The following SYTL5 variants were observed in gnomAD, a reference collection of about 807,000 sequenced individuals.
The protein encoded by SYTL5 is synaptotagmin-like protein 5.
SYTL5 carries 34 observed loss-of-function variants against 55.9 expected under a neutral mutation model. That is an observed-to-expected ratio of 0.61 (90% CI 0.46 to 0.81). The LOEUF (loss-of-function observed/expected upper bound fraction) is 0.81. SYTL5 is among the 30% of genes least tolerant of loss of function. SYTL5 has a pLI of 0.00. For synonymous variants in SYTL5, 221 were observed against 188.7 expected (o/e 1.17, Z -1.40); for missense variants, 637 against 546.7 (o/e 1.17, Z -1.65).
chrX:37,947,735 T>C, the SYTL5 span, among the ~76,000 whole-genome samples: 13 of 111,204 alleles, frequency 1.2e-4, no homozygotes, highest in Non-Finnish European at 2.5e-4. Flanking sequence ...CAGACAGACT[T>C]TGGTGTAGAT....
upstream of SYTL5, among the ~76,000 whole-genome samples, chrX:38,003,397 T>C (rs902777070): frequency 2.7e-5 from 3 of 111,489 alleles, no homozygotes; most frequent in African/African-American, 9.8e-5. Flanking sequence ...ACAAAATCAA[T>C]GTACAAAAAT....
At position 38,073,443 on chromosome X, in the gene SYTL5, G is replaced by A; in HGVS notation, c.446-147G>A. Reference sequence around the variant, plus strand: ...ACAAATTAGAACTAACTGTGTGACAGAAAAACTTGGGATGGGAATGGCATT... The same window carrying A: ...ACAAATTAGAACTAACTGTGTGACAAAAAAACTTGGGATGGGAATGGCATT... On this transcript the variant is annotated intron_variant, in intron 4 of 16. Coordinates refer to ENST00000297875, the MANE Select transcript of SYTL5 (RefSeq NM_138780.3). 6 of 447,379 alleles carry A rather than the reference G, an allele frequency of 1.3e-5. No individual in the cohort carries two copies. In the South Asian group the frequency reaches 2.4e-4, roughly 18 times the overall value. The allele number at this position is 447,379 out of a possible 1,213,427, so 36.9% of individuals were successfully genotyped here.
intron 2 of SYTL5, among the ~76,000 whole-genome samples, chrX:38,042,572 C>A (rs1033905707): frequency 2.7e-5 from 3 of 111,845 alleles, no homozygotes; most frequent in Non-Finnish European, 5.6e-5. Context: ...CATTTTACTA[C>A]CCTTTCCCTT....
the SYTL5 span, among the ~76,000 whole-genome samples, chrX:37,988,595 C>A: frequency 2.4e-4 from 27 of 112,064 alleles, no homozygotes; most frequent in African/African-American, 8.7e-4. Context: ...TTGAACAGAT[C>A]ATTAATAGAA....
chrX:38,043,668 T>C (rs1421259057), intron 2 of SYTL5, among the ~76,000 whole-genome samples: 2 of 68,537 alleles, frequency 2.9e-5, no homozygotes, highest in African/African-American at 1.7e-4. Flanking sequence ...TATGTATATA[T>C]ATATATATAT....
chrX:38,069,827 A>G (rs944074738), intron 3 of SYTL5, among the ~76,000 whole-genome samples: 16 of 112,087 alleles, frequency 1.4e-4, no homozygotes, highest in African/African-American at 5.2e-4. Context: ...GAATACCACA[A>G]TTGTCACCTG....
the SYTL5 span, among the ~76,000 whole-genome samples, chrX:37,966,419 T>C: frequency 9.6e-6 from 1 of 103,778 alleles, no homozygotes; most frequent in Non-Finnish European, 1.9e-5. Flanking sequence ...AATCTCACAG[T>C]TTGCGTTTTT....
the SYTL5 span, among the ~76,000 whole-genome samples, chrX:37,999,605 G>A: frequency 9.0e-6 from 1 of 111,533 alleles, no homozygotes; most frequent in Non-Finnish European, 1.9e-5. Flanking sequence ...TGAAAGGAGG[G>A]GCAGAAGAGC....
chrX:37,900,205 C>T, the SYTL5 span, among the ~76,000 whole-genome samples: 1 of 112,059 alleles, frequency 8.9e-6, no homozygotes, highest in Admixed American at 9.5e-5. Context: ...AGAACAGTGC[C>T]TGGTGCACAG....
intron 6 of SYTL5, among the ~76,000 whole-genome samples, chrX:38,082,756 T>C (rs1238101888): frequency 1.8e-5 from 2 of 111,660 alleles, no homozygotes; most frequent in Non-Finnish European, 3.8e-5. Context: ...CTTGGCCAGG[T>C]AAAGAAAGAT....
intron 13 of SYTL5, among the ~76,000 whole-genome samples, chrX:38,113,336 G>A (rs1034264045): frequency 1.8e-5 from 2 of 112,124 alleles, no homozygotes; most frequent in Non-Finnish European, 3.8e-5. Context: ...GGTTTTCCAA[G>A]GAAACGTTCT....
chrX:37,968,446 T>C, the SYTL5 span, among the ~76,000 whole-genome samples: 1 of 111,697 alleles, frequency 9.0e-6, no homozygotes, highest in African/African-American at 3.3e-5. Flanking sequence ...GTTGGGTCTG[T>C]AAGACCTATG....
At chrX:38,113,534 G>A in intron 13 of SYTL5, among the ~76,000 whole-genome samples, 1 of 111,055 alleles carries the variant, frequency 9.0e-6, no homozygotes, top group Non-Finnish European at 1.9e-5. Flanking sequence ...GAAAGCAGGA[G>A]GTGGTGGGTG....
intron 6 of SYTL5, 23 bp downstream of exon 6, chrX:38,076,724 A>G (rs1936398999): frequency 1.7e-6 from 2 of 1,202,729 alleles, no homozygotes; most frequent in African/African-American, 1.7e-5. Context: ...CAGATTGAGC[A>G]ATGATGTAGC....
At chrX:37,907,844 A>G in the SYTL5 span, among the ~76,000 whole-genome samples, 2 of 112,291 alleles carry the variant, frequency 1.8e-5, no homozygotes, top group Non-Finnish European at 3.8e-5. Context: ...AGAGTTTTCT[A>G]TATTTGAAAA....
rs770641543 is a variant in SYTL5 at position 38,007,570 on chromosome X, T to G, written c.-357+902T>G. 2.1e-3 allele frequency among the ~76,000 whole-genome samples: 234 copies of G among 111,926 alleles called. 2 individuals carry two copies. Among genetic ancestry groups the G allele is most frequent in the African/African-American group, 7.3e-3 (226 of 30,947 alleles). On this transcript the variant is annotated intron_variant, in intron 1 of 16. Transcript: ENST00000297875. ...TTACATGTAATAATGCATTTAGAAG[T>G]ACTACTTCAGTAGTAGCCTCCTTAA...
In SYTL5 at chrX:38,108,686, A is replaced by G. The variant is rs781294920; in HGVS notation, c.1421A>G (p.Asn474Ser). ...KIRTGTNPEF[N>S]ETLKYTISHT... ...AGAACAGGCACCAATCCAGAATTCA[A>G]TGAAACACTAAAGGTAAATAAATAC... is the stretch of plus-strand genomic sequence containing the variant. Residue 474 changes from asparagine to serine, a missense_variant, in exon 12 of 17, where the codon AAT (asparagine) becomes AGT (serine). Physicochemically the swap from Asn to Ser is conservative, Grantham distance 46. Coordinates refer to ENST00000297875, the MANE Select transcript of SYTL5 (RefSeq NM_138780.3). 12 of 1,182,472 alleles carry G rather than the reference A, an allele frequency of 1.0e-5. No homozygotes were observed. The Admixed American group carries it at 2.0e-4, about 20-fold the overall frequency.
At chrX:38,009,785 G>C (rs1008028404) in intron 1 of SYTL5, among the ~76,000 whole-genome samples, 11 of 111,649 alleles carry the variant, frequency 9.9e-5, no homozygotes, top group African/African-American at 3.6e-4. Flanking sequence ...CCAGGTTTAA[G>C]TTTTGATTCT....
chrX:38,119,145 C>T (rs1234858244), intron 13 of SYTL5, among the ~76,000 whole-genome samples: 2 of 109,916 alleles, frequency 1.8e-5, no homozygotes, highest in African/African-American at 6.6e-5. Flanking sequence ...ATATGATTCA[C>T]CAATTTTATT....
Sources: allele counts gnomAD v4.1 joint callset (sites outside exome capture counted in the v4.1 genomes callset), GRCh38; gene constraint gnomAD v4.1.1; transcripts MANE v1.5; gene names NCBI Gene and HGNC (gene_info 2026-07-23, HGNC 2026-07-21).